The following MAP4 variants were observed in gnomAD, a reference collection of about 807,000 sequenced individuals.
MAP4 encodes the protein microtubule-associated protein 4.
Under a neutral mutation model 170.2 loss-of-function variants are expected in MAP4, and 76 were observed. The ratio of observed to expected loss-of-function variants is 0.45; its 90% CI spans 0.37 to 0.54. The LOEUF is 0.54. Ranked by LOEUF, MAP4 falls within the 20% of genes least tolerant of loss-of-function variation. The pLI, the probability that MAP4 is intolerant of heterozygous loss-of-function variation, is 0.00. For missense variants in MAP4, 2,506 were observed against 2,748.0 expected, an observed-to-expected ratio of 0.91 and a Z score of 1.97; for synonymous variants, 909 against 994.5, an observed-to-expected ratio of 0.91 and a Z score of 1.62.
Position 47,894,990 on chromosome 3 carries a change from C to T in MAP4, c.5434+7960G>A, listed in dbSNP as rs542282089. On this transcript the variant is annotated intron_variant, in intron 10 of 20. Coordinates refer to ENST00000683076, the MANE Select transcript of MAP4 (RefSeq NM_001385682.1). ...GCAGTGGGCCGTGATCACATCACTG[C>T]ACTCCAGCCTGGGTGAGAGGAAACC... Among the ~76,000 whole-genome samples the T allele has an allele frequency of 2.1e-3, 319 of 149,402 alleles. 5 individuals carry two copies. In the Middle Eastern group the frequency reaches 0.028, roughly 13 times the overall value.
chr3:47,997,052 A>G (rs1334800711), intron 2 of MAP4, among the ~76,000 whole-genome samples: 1 of 152,074 alleles, frequency 6.6e-6, no homozygotes, highest in East Asian at 1.9e-4. Context: ...AGGTCAAAAG[A>G]AAGTACCCAA....
intron 16 of MAP4, among the ~76,000 whole-genome samples, chr3:47,868,263 A>G (rs988940968): frequency 6.6e-6 from 1 of 152,216 alleles, no homozygotes; most frequent in Non-Finnish European, 1.5e-5. Context: ...TTCTTTGCAA[A>G]TGATGCAGGT....
At position 47,852,849 on chromosome 3, in the gene MAP4, AG is replaced by A; in HGVS notation, c.*84del. On this transcript the variant is annotated 3_prime_UTR_variant, in exon 21 of 21. Coordinates refer to ENST00000683076, the MANE Select transcript of MAP4 (RefSeq NM_001385682.1). ...CCCGGGAGCCCGAGTTGGGGCCGCC[AG>A]GGAAGTGTGGGGGGCGGGAGACAAT... 2 of 1,560,760 alleles carry A rather than the reference AG, an allele frequency of 1.3e-6. No homozygotes were observed. Among genetic ancestry groups the A allele is most frequent in the Non-Finnish European group, 1.7e-6 (2 of 1,152,364 alleles).
chr3:48,083,252 A>C (rs2100147483), intron 1 of MAP4, among the ~76,000 whole-genome samples: 1 of 152,258 alleles, frequency 6.6e-6, no homozygotes, highest in Non-Finnish European at 1.5e-5. Context: ...AAATGGAATG[A>C]ATACAGAATG....
At chr3:47,941,633 A>C (rs9817395) in intron 3 of MAP4, among the ~76,000 whole-genome samples, 7,720 of 151,536 alleles carry the variant, frequency 0.051, 548 homozygotes, top group African/African-American at 0.16. Flanking sequence ...AAAACAAAAA[A>C]AAAAAAAACT....
intron 1 of MAP4, among the ~76,000 whole-genome samples, chr3:48,000,654 T>A (rs571588335): frequency 3.6e-4 from 55 of 152,280 alleles, no homozygotes; most frequent in African/African-American, 1.3e-3. Flanking sequence ...CTACTTCAAG[T>A]CTAAGTGAGC....
intron 1 of MAP4, among the ~76,000 whole-genome samples, chr3:48,054,716 G>A (rs1253336383): frequency 3.4e-5 from 5 of 147,214 alleles, no homozygotes; most frequent in African/African-American, 1.3e-4. Flanking sequence ...GCTGAGACAC[G>A]AGAATCACTT....
chr3:47,859,257 T>C (rs984345728), intron 17 of MAP4, among the ~76,000 whole-genome samples: 2 of 152,218 alleles, frequency 1.3e-5, no homozygotes, highest in African/African-American at 4.8e-5. Context: ...AGCCTGACTT[T>C]CCAACACATC....
At chr3:47,970,644 T>C (rs2100078108) in intron 3 of MAP4, among the ~76,000 whole-genome samples, 1 of 151,570 alleles carries the variant, frequency 6.6e-6, no homozygotes, top group African/African-American at 2.4e-5. Context: ...ACTCCATCTG[T>C]ACTAAAAATA....
chr3:48,002,605 G>A (rs1214291679), intron 1 of MAP4, among the ~76,000 whole-genome samples: 1 of 150,580 alleles, frequency 6.6e-6, no homozygotes, highest in African/African-American at 2.4e-5. Context: ...AATAAATAGG[G>A]TACAGAGGCT....
intron 12 of MAP4, among the ~76,000 whole-genome samples, chr3:47,873,397 A>G (rs967057778): frequency 1.3e-5 from 2 of 152,208 alleles, no homozygotes; most frequent in Non-Finnish European, 2.9e-5. Context: ...GAGTATGCCA[A>G]ATCACAGACA....
intron 2 of MAP4, among the ~76,000 whole-genome samples, chr3:47,988,559 T>C (rs976687454): frequency 8.6e-5 from 13 of 152,014 alleles, no homozygotes; most frequent in African/African-American, 2.9e-4. Flanking sequence ...TTTCAGAGAG[T>C]AGATGTGAAA....
chr3:48,047,674 T>A (rs946052954), intron 1 of MAP4, among the ~76,000 whole-genome samples: 49 of 152,220 alleles, frequency 3.2e-4, no homozygotes, highest in African/African-American at 1.1e-3. Flanking sequence ...GTAGACACAA[T>A]TACTTACTTT....
intron 3 of MAP4, among the ~76,000 whole-genome samples, chr3:47,951,813 C>T (rs2100064175): frequency 6.7e-6 from 1 of 149,778 alleles, no homozygotes; most frequent in African/African-American, 2.5e-5. Flanking sequence ...GGCCGCCCAT[C>T]GTCTGGGATG....
chr3:47,870,770 T>C, intron 15 of MAP4, 43 bp downstream of exon 15: 2 of 1,506,500 alleles, frequency 1.3e-6, no homozygotes, highest in Non-Finnish European at 8.9e-7. Context: ...GAGGGGAAGA[T>C]GCAGGGGCCA....
chr3:47,917,318 T>G, intron 6 of MAP4, 144 bp from the exon 7 acceptor site: 1 of 689,806 alleles, frequency 1.4e-6, no homozygotes, highest in South Asian at 1.9e-5. Context: ...CCGGGCACAG[T>G]GGCTCACGCC....
chr3:48,014,047 T>C (rs1321273422), intron 1 of MAP4, among the ~76,000 whole-genome samples: 2 of 152,150 alleles, frequency 1.3e-5, no homozygotes, highest in Non-Finnish European at 2.9e-5. Context: ...AATACTCTCT[T>C]GACTACAATC....
At chr3:48,087,628 C>CA (rs2100149790) in intron 1 of MAP4, among the ~76,000 whole-genome samples, 1 of 152,144 alleles carries the variant, frequency 6.6e-6, no homozygotes, top group South Asian at 2.1e-4. Flanking sequence ...TGCAATGCCA[C>CA]AACCATCCCT....
intron 1 of MAP4, among the ~76,000 whole-genome samples, chr3:48,041,258 C>T (rs2100121495): frequency 6.6e-6 from 1 of 151,952 alleles, no homozygotes; most frequent in Non-Finnish European, 1.5e-5. Context: ...ATTACAGGCA[C>T]ATGCCACCAT....
Sources: allele counts gnomAD v4.1 joint callset (sites outside exome capture counted in the v4.1 genomes callset), GRCh38; gene constraint gnomAD v4.1.1; transcripts MANE v1.5; gene names NCBI Gene and HGNC (gene_info 2026-07-23, HGNC 2026-07-21).